Variants in RNF4 observed in about 807,000 individuals in gnomAD.
RNF4 encodes E3 ubiquitin-protein ligase RNF4.
Under a neutral mutation model 24.3 loss-of-function variants are expected in RNF4, and 7 were observed. The observed-to-expected ratio is 0.29, with a 90% CI of 0.16 to 0.54. The LOEUF (loss-of-function observed/expected upper bound fraction) is 0.54, where lower values mean the gene tolerates loss of function less well. Among genes scored for constraint, RNF4 ranks in the 20% least tolerant of loss-of-function variants. The pLI, the probability that RNF4 is intolerant of heterozygous loss-of-function variation, is 0.95. For synonymous variants in RNF4, 83 were observed against 84.3 expected (o/e 0.98, Z 0.09); for missense variants, 209 against 248.5 (o/e 0.84, Z 1.07).
intron 1 of RNF4, among the ~76,000 whole-genome samples, chr4:2,477,418 C>G (rs1381907644): frequency 6.6e-6 from 1 of 152,046 alleles, no homozygotes; most frequent in Non-Finnish European, 1.5e-5. Context: ...AACCCTGTCT[C>G]TACTAAAAAT....
In RNF4 at chr4:2,513,928, A is replaced by C; in HGVS notation, c.*109A>C. ...TCAAAAAGACTGTTTCGAAACCAAC[A>C]TCTGATATGTAAACTGCTCTTTTGT... On this transcript the variant is annotated 3_prime_UTR_variant, in exon 8 of 8. Coordinates refer to ENST00000314289, the MANE Select transcript of RNF4 (RefSeq NM_002938.5). The C allele has an allele frequency of 2.2e-6, 3 of 1,383,548 alleles. No homozygotes were observed. The highest frequency in any genetic ancestry group is 2.0e-6 in the Non-Finnish European group (2 of 990,372). The allele number at this position is 1,383,548 out of a possible 1,614,324, so 85.7% of individuals were successfully genotyped here.
intron 4 of RNF4, among the ~76,000 whole-genome samples, chr4:2,509,601 T>C (rs1312707481): frequency 6.6e-6 from 1 of 152,096 alleles, no homozygotes; most frequent in Non-Finnish European, 1.5e-5. Context: ...TTGTTACCAG[T>C]GAGGAAACAC....
intron 1 of RNF4, among the ~76,000 whole-genome samples, chr4:2,484,808 GCTTT>G (rs1560403161): frequency 2.0e-5 from 3 of 152,064 alleles, no homozygotes; most frequent in African/African-American, 7.2e-5. Flanking sequence ...GAGCCTCATG[GCTTT>G]CTTCTCACCT....
rs1382754252 is a variant in RNF4 at position 2,513,923 on chromosome 4, C to G, written c.*104C>G. The G allele has an allele frequency of 1.9e-5, 27 of 1,440,840 alleles. No homozygotes were observed. In the East Asian group the frequency reaches 5.9e-4, roughly 32 times the overall value. 89.3% of individuals were successfully genotyped at this position (1,440,840 alleles called of 1,614,324 possible). On this transcript the variant is annotated 3_prime_UTR_variant, in exon 8 of 8. Transcript: ENST00000314289. ...TGAGATCAAAAAGACTGTTTCGAAA[C>G]CAACATCTGATATGTAAACTGCTCT...
intron 4 of RNF4, among the ~76,000 whole-genome samples, chr4:2,502,965 A>G (rs566435435): frequency 2.0e-5 from 3 of 152,232 alleles, no homozygotes; most frequent in South Asian, 2.1e-4. Flanking sequence ...ATTCTCCCAC[A>G]TTATCCTCCT....
chr4:2,496,568 C>A (rs535834397), intron 2 of RNF4, among the ~76,000 whole-genome samples: 2 of 152,186 alleles, frequency 1.3e-5, no homozygotes, highest in African/African-American at 4.8e-5. Context: ...TCAAGTGATT[C>A]TCCTGCCTCA....
chr4:2,478,981 T>C (rs773963285), intron 1 of RNF4, among the ~76,000 whole-genome samples: 13 of 152,214 alleles, frequency 8.5e-5, no homozygotes, highest in Non-Finnish European at 1.8e-4. Context: ...GGCTGTACTC[T>C]GCAAAGCCAC....
intron 1 of RNF4, among the ~76,000 whole-genome samples, chr4:2,487,905 C>G (rs182044903): frequency 1.3e-5 from 2 of 152,158 alleles, no homozygotes; most frequent in Non-Finnish European, 2.9e-5. Flanking sequence ...CAGAACCAGA[C>G]GACCAAGTGC....
At chr4:2,504,063 A>T (rs1210475252) in intron 4 of RNF4, among the ~76,000 whole-genome samples, 1 of 152,222 alleles carries the variant, frequency 6.6e-6, no homozygotes, top group Admixed American at 6.5e-5. Flanking sequence ...TCAAAAAAGA[A>T]AAAAAGACTG....
At chr4:2,481,375 A>G (rs1735238512) in intron 1 of RNF4, among the ~76,000 whole-genome samples, 1 of 152,108 alleles carries the variant, frequency 6.6e-6, no homozygotes, top group Non-Finnish European at 1.5e-5. Context: ...GCATAGCAAG[A>G]TGCTTTTTTA....
intron 1 of RNF4, among the ~76,000 whole-genome samples, chr4:2,474,799 C>T (rs1578496290): frequency 2.0e-5 from 3 of 152,218 alleles, no homozygotes; most frequent in South Asian, 2.1e-4. Context: ...CCGAGGCAGG[C>T]GGATCACCTC....
At chr4:2,488,971 A>C (rs3108493) in intron 1 of RNF4, among the ~76,000 whole-genome samples, 133,998 of 152,054 alleles carry the variant, frequency 0.88, 59,155 homozygotes, top group South Asian at 0.94. Context: ...CCACCACTCC[A>C]GGCTAATTTT....
chr4:2,484,743 CT>C (rs1735355592), intron 1 of RNF4, among the ~76,000 whole-genome samples: 1 of 152,148 alleles, frequency 6.6e-6, no homozygotes, highest in Non-Finnish European at 1.5e-5. Context: ...CCCCAAAGCC[CT>C]TCCAGCTTCC....
At chr4:2,509,249 C>T (rs1410423365) in intron 4 of RNF4, among the ~76,000 whole-genome samples, 1 of 151,754 alleles carries the variant, frequency 6.6e-6, no homozygotes, top group Non-Finnish European at 1.5e-5. Context: ...GACAGTTTCG[C>T]TATTGTTGTC....
chr4:2,483,386 A>C (rs1036293177), intron 1 of RNF4, among the ~76,000 whole-genome samples: 1 of 152,250 alleles, frequency 6.6e-6, no homozygotes, highest in Non-Finnish European at 1.5e-5. Context: ...CTTATTGGCC[A>C]GCCACATCAT....
At chr4:2,490,171 G>A (rs1460631421) in intron 1 of RNF4, among the ~76,000 whole-genome samples, 166 bp from the exon 2 acceptor site, 5 of 152,098 alleles carry the variant, frequency 3.3e-5, no homozygotes, top group Admixed American at 6.6e-5. Context: ...TCCTACATGC[G>A]ACAAGAATGC....
At chr4:2,501,605 T>A (rs1735913865) in intron 4 of RNF4, among the ~76,000 whole-genome samples, 1 of 152,178 alleles carries the variant, frequency 6.6e-6, no homozygotes, top group Non-Finnish European at 1.5e-5. Context: ...GTCAGCATCT[T>A]AAGGGCAAGT....
intron 4 of RNF4, among the ~76,000 whole-genome samples, chr4:2,508,360 C>T (rs928328788): frequency 6.6e-6 from 1 of 152,152 alleles, no homozygotes; most frequent in Admixed American, 6.5e-5. Context: ...GGTACTCTTC[C>T]CTCTGCACCT....
intron 4 of RNF4, among the ~76,000 whole-genome samples, chr4:2,510,446 G>A (rs1736240413): frequency 6.6e-6 from 1 of 152,184 alleles, no homozygotes; most frequent in Admixed American, 6.5e-5. Flanking sequence ...CCCTTTCTAG[G>A]GAGGAGAGGC....
Sources: gnomAD v4.1 joint callset for allele counts (sites outside exome capture counted in the v4.1 genomes callset) on GRCh38, gnomAD v4.1.1 for gene constraint, MANE v1.5 for transcripts, NCBI Gene and HGNC (gene_info 2026-07-23, HGNC 2026-07-21) for gene names.